AGBL1: variants seen among roughly 807,000 people sequenced by gnomAD.
The protein encoded by AGBL1 is cytosolic carboxypeptidase 4.
Under a neutral mutation model 118.9 loss-of-function variants are expected in AGBL1, and 130 were observed. The observed-to-expected ratio is 1.09, with a 90% confidence interval of 0.95 to 1.26. The LOEUF is 1.26. AGBL1 is among the 50% of genes most tolerant of loss of function. AGBL1 has a pLI of 0.00. For synonymous variants in AGBL1, 555 were observed against 478.9 expected (o/e 1.16, Z -2.08); for missense variants, 1,584 against 1,298.1 (o/e 1.22, Z -3.38).
intron 19 of AGBL1, among the ~76,000 whole-genome samples, chr15:86,540,321 C>T (rs772168325): frequency 1.2e-4 from 18 of 152,076 alleles, no homozygotes; most frequent in Admixed American, 5.2e-4. Context: ...AGGTGGGGAG[C>T]GGTGGCTCAC....
chr15:86,359,358 G>A (rs1022794382), intron 17 of AGBL1, among the ~76,000 whole-genome samples: 3 of 120,216 alleles, frequency 2.5e-5, no homozygotes, highest in African/African-American at 9.3e-5. Context: ...TGGGCTCTCT[G>A]TTGTATTCTA....
intron 23 of AGBL1, among the ~76,000 whole-genome samples, chr15:86,964,180 G>C (rs540210130): frequency 6.6e-6 from 1 of 152,012 alleles, no homozygotes; most frequent in East Asian, 1.9e-4. Flanking sequence ...ACCAAACCTG[G>C]TTCTGCCTGA....
chr15:86,301,027 T>C (rs1183165927), intron 17 of AGBL1, among the ~76,000 whole-genome samples: 1 of 152,178 alleles, frequency 6.6e-6, no homozygotes, highest in Non-Finnish European at 1.5e-5. Context: ...CAAATCATTT[T>C]CCACTCTCTC....
chr15:86,364,952 G>GTC lies in AGBL1; in HGVS notation c.2375-32413_2375-32412dup, dbSNP rs2080858326. 1.8e-4 allele frequency among the ~76,000 whole-genome samples: 10 copies of GTC among 54,898 alleles called. No homozygotes were observed. The South Asian group carries it at 5.6e-3, about 31-fold the overall frequency. The allele number at this position is 54,898 out of a possible 152,430, so 36.0% of individuals were successfully genotyped here. ...CTGCAGGAGCCGCATTGATTTATAT[G>GTC]TCACACATATATATATATATATATA... is the stretch of plus-strand genomic sequence containing the variant. On this transcript the variant is annotated intron_variant, in intron 17 of 22. Coordinates refer to ENST00000614907, the MANE Select transcript of AGBL1 (RefSeq NM_001386094.1).
At chr15:86,390,516 T>C (rs1434940984) in intron 17 of AGBL1, among the ~76,000 whole-genome samples, 2 of 152,084 alleles carry the variant, frequency 1.3e-5, no homozygotes, top group African/African-American at 4.8e-5. Flanking sequence ...AATAAACAAA[T>C]TGTGGCATAT....
At chr15:86,582,767 A>G (rs2084188254) in intron 21 of AGBL1, among the ~76,000 whole-genome samples, 1 of 151,850 alleles carries the variant, frequency 6.6e-6, no homozygotes, top group African/African-American at 2.4e-5. Flanking sequence ...AAGGACAAAA[A>G]ACCAAACACC....
At chr15:86,687,713 C>T (rs140711539) in intron 22 of AGBL1, among the ~76,000 whole-genome samples, 1 of 152,120 alleles carries the variant, frequency 6.6e-6, no homozygotes, top group African/African-American at 2.4e-5. Context: ...ATTCTTAAAT[C>T]TGCACGTTTT....
intron 17 of AGBL1, among the ~76,000 whole-genome samples, chr15:86,333,703 A>G (rs1046519119): frequency 3.0e-4 from 45 of 152,186 alleles, no homozygotes; most frequent in South Asian, 2.1e-4. Flanking sequence ...CATCACCTTG[A>G]TACCAAAACC....
chr15:86,258,056 A>G (rs775153616), intron 9 of AGBL1, 25 bp downstream of exon 9: 1 of 1,607,738 alleles, frequency 6.2e-7, no homozygotes, highest in Non-Finnish European at 8.5e-7. Context: ...CCATGCTTCT[A>G]ATGATGTCCA....
chr15:86,157,172 G>T (rs1432658741), intron 4 of AGBL1, among the ~76,000 whole-genome samples: 1 of 152,036 alleles, frequency 6.6e-6, no homozygotes, highest in Admixed American at 6.6e-5. Flanking sequence ...GGGAATAATG[G>T]GATAGATGCT....
intron 22 of AGBL1, among the ~76,000 whole-genome samples, chr15:86,700,135 T>C: frequency 6.6e-6 from 1 of 152,172 alleles, no homozygotes; most frequent in African/African-American, 2.4e-5. Flanking sequence ...TTCATTATTT[T>C]ATTTAGGCAT....
chr15:86,551,198 A>G (rs1281097098), intron 20 of AGBL1, among the ~76,000 whole-genome samples: 1 of 152,118 alleles, frequency 6.6e-6, no homozygotes, highest in Non-Finnish European at 1.5e-5. Flanking sequence ...TAAATCCCAA[A>G]GTATAAGAAA....
intron 24 of AGBL1, among the ~76,000 whole-genome samples, chr15:87,008,796 T>C (rs1468717204): frequency 6.6e-6 from 1 of 152,312 alleles, no homozygotes; most frequent in African/African-American, 2.4e-5. Flanking sequence ...TGTTATGTTT[T>C]AGCTAAGAGA....
intron 23 of AGBL1, among the ~76,000 whole-genome samples, chr15:86,987,342 A>G (rs1897657): frequency 0.7 from 105,857 of 152,000 alleles, 37,796 homozygotes; most frequent in East Asian, 0.84. Flanking sequence ...ATTTTTGTAC[A>G]TTGTTTTGCA....
At chr15:86,998,443 T>G (rs1180998824) in intron 24 of AGBL1, among the ~76,000 whole-genome samples, 1 of 152,120 alleles carries the variant, frequency 6.6e-6, no homozygotes, top group East Asian at 1.9e-4. Context: ...GACACATGAA[T>G]TGGGAGTGGA....
chr15:86,509,437 T>C (rs1335342095), intron 18 of AGBL1, among the ~76,000 whole-genome samples: 1 of 152,098 alleles, frequency 6.6e-6, no homozygotes, highest in Non-Finnish European at 1.5e-5. Context: ...AAGATTGAGT[T>C]GGACTGGTGA....
intron 18 of AGBL1, among the ~76,000 whole-genome samples, chr15:86,439,768 G>A (rs915586797): frequency 3.9e-5 from 6 of 152,176 alleles, no homozygotes; most frequent in African/African-American, 9.7e-5. Context: ...TATGAAATGA[G>A]TTAAATTCCT....
At chr15:86,223,348 CCTT>C (rs1213418941) in intron 5 of AGBL1, among the ~76,000 whole-genome samples, 3 of 152,220 alleles carry the variant, frequency 2.0e-5, no homozygotes, top group South Asian at 2.1e-4. Context: ...TCTGTGGTTT[CCTT>C]CTTCTCTGCT....
intron 4 of AGBL1, among the ~76,000 whole-genome samples, chr15:86,158,042 G>T (rs1005046313): frequency 6.6e-6 from 1 of 152,162 alleles, no homozygotes; most frequent in African/African-American, 2.4e-5. Flanking sequence ...CAATTCGGAA[G>T]TAAGAGCTGA....
Sources: allele counts gnomAD v4.1 joint callset (sites outside exome capture counted in the v4.1 genomes callset), GRCh38; gene constraint gnomAD v4.1.1; transcripts MANE v1.5; gene names NCBI Gene and HGNC (gene_info 2026-07-23, HGNC 2026-07-21).